ACER3: variants seen among roughly 807,000 people sequenced by gnomAD.
ACER3 encodes the protein alkCDase 3.
ACER3 carries 16 observed loss-of-function variants against 48.9 expected under a neutral mutation model. The observed-to-expected ratio is 0.33, with a 90% CI of 0.22 to 0.50. ACER3 has a LOEUF of 0.50. ACER3 is among the 20% of genes least tolerant of loss of function. ACER3 has a pLI of 0.98. For missense variants in ACER3, 227 were observed against 326.0 expected, an observed-to-expected ratio of 0.70 and a Z score of 2.34; for synonymous variants, 109 against 107.8, an observed-to-expected ratio of 1.01 and a Z score of -0.07.
intron 1 of ACER3, among the ~76,000 whole-genome samples, chr11:76,885,465 T>G (rs975365486): frequency 2.6e-5 from 4 of 152,094 alleles, no homozygotes; most frequent in Non-Finnish European, 5.9e-5. Flanking sequence ...AGGAAGAAGT[T>G]TTTATACTCA....
At chr11:76,983,795 G>T (rs1175595206) in intron 4 of ACER3, among the ~76,000 whole-genome samples, 4 of 134,638 alleles carry the variant, frequency 3.0e-5, no homozygotes, top group Non-Finnish European at 4.6e-5. Flanking sequence ...GACCTCTAAT[G>T]ATTTTTTTTT....
chr11:76,885,153 C>T (rs188867254), intron 1 of ACER3, among the ~76,000 whole-genome samples: 1 of 152,220 alleles, frequency 6.6e-6, no homozygotes, highest in Non-Finnish European at 1.5e-5. Flanking sequence ...TTACTTACAA[C>T]CTTTCTGCAT....
rs782588830 is a variant in ACER3, at chr11:77,015,009, C to A, written c.498-7C>A. On this transcript the variant is annotated splice_polypyrimidine_tract_variant and splice_region_variant and intron_variant, in intron 7 of 10. Coordinates refer to ENST00000532485, the MANE Select transcript of ACER3 (RefSeq NM_018367.7). Reference sequence around the variant, plus strand: ...TTTATTTTGCTTTTCTGTTTTCCCCCCCACAGGGTTTATCCATGGCTTAGA... The same window carrying A: ...TTTATTTTGCTTTTCTGTTTTCCCCACCACAGGGTTTATCCATGGCTTAGA... The A allele has an allele frequency of 8.5e-6, 13 of 1,531,358 alleles. No individual in the cohort carries two copies. The South Asian group carries it at 1.4e-4, about 16-fold the overall frequency. 94.9% of individuals were successfully genotyped at this position (1,531,358 alleles called of 1,614,324 possible). A position where few individuals can be genotyped will look rare whatever the true frequency, so the allele number is the denominator to read the frequency against.
intron 4 of ACER3, among the ~76,000 whole-genome samples, chr11:76,980,569 A>G (rs1468313877): frequency 2.6e-5 from 4 of 152,150 alleles, no homozygotes; most frequent in Non-Finnish European, 1.5e-5. Context: ...CCAGCTACAC[A>G]GGAGGCTAAG....
At position 77,025,240 on chromosome 11, in the gene ACER3, G is replaced by C. The variant is rs944114380; in HGVS notation, c.*4913G>C. On this transcript the variant is annotated 3_prime_UTR_variant, in exon 11 of 11. Coordinates refer to ENST00000532485, the MANE Select transcript of ACER3 (RefSeq NM_018367.7). ...GGTTCCCTATAAGCATTCATTCAGA[G>C]ATCATCTGTGCCTAAAAGAAAATGA... The C allele has an allele frequency of 3.3e-5, 5 of 151,858 alleles. No individual in the cohort carries two copies. Among genetic ancestry groups the C allele is most frequent in the Non-Finnish European group, 5.9e-5 (4 of 67,980 alleles). The allele number at this position is 151,858 out of a possible 1,614,324, so 9.4% of individuals were successfully genotyped here.
chr11:76,946,996 C>T (rs1012909836), intron 2 of ACER3, among the ~76,000 whole-genome samples: 2 of 152,216 alleles, frequency 1.3e-5, no homozygotes, highest in African/African-American at 4.8e-5. Flanking sequence ...CCCAGGCTTT[C>T]AGTCAGTCCC....
chr11:77,014,427 C>T (rs1949326625), intron 7 of ACER3, among the ~76,000 whole-genome samples: 2 of 152,202 alleles, frequency 1.3e-5, no homozygotes, highest in Admixed American at 1.3e-4. Flanking sequence ...TGACCACTAC[C>T]TTCCCAAATG....
chr11:76,901,651 CA>C (rs1946085680), intron 1 of ACER3, among the ~76,000 whole-genome samples: 2 of 152,148 alleles, frequency 1.3e-5, no homozygotes, highest in Non-Finnish European at 2.9e-5. Context: ...TTTAAGGGCT[CA>C]CAACTCTAAG....
intron 1 of ACER3, among the ~76,000 whole-genome samples, chr11:76,909,499 G>A (rs1946315954): frequency 6.6e-6 from 1 of 152,088 alleles, no homozygotes; most frequent in African/African-American, 2.4e-5. Context: ...CATTTATATG[G>A]CCAACAAACA....
intron 1 of ACER3, among the ~76,000 whole-genome samples, chr11:76,866,532 G>T (rs1249450351): frequency 6.6e-6 from 1 of 152,190 alleles, no homozygotes; most frequent in Non-Finnish European, 1.5e-5. Flanking sequence ...ACTATATTCA[G>T]CTACTCACAA....
intron 1 of ACER3, among the ~76,000 whole-genome samples, chr11:76,871,755 T>G (rs1252697496): frequency 6.6e-6 from 1 of 152,184 alleles, no homozygotes; most frequent in Non-Finnish European, 1.5e-5. Flanking sequence ...GGAAGGGAAT[T>G]CTCTATAGAA....
intron 1 of ACER3, chr11:76,868,199 C>G (rs1945144293): frequency 1.6e-6 from 2 of 1,289,770 alleles, no homozygotes; most frequent in Non-Finnish European, 1.0e-6. Context: ...TCTTGGGACT[C>G]TGGGCTGGCA....
chr11:76,906,421 C>T (rs1016682527), intron 1 of ACER3, among the ~76,000 whole-genome samples: 1 of 152,146 alleles, frequency 6.6e-6, no homozygotes, highest in Non-Finnish European at 1.5e-5. Context: ...CACCCCCTAA[C>T]CAGAGACAGA....
intron 1 of ACER3, among the ~76,000 whole-genome samples, chr11:76,876,422 G>A (rs1051601789): frequency 2.6e-5 from 4 of 152,146 alleles, no homozygotes; most frequent in Admixed American, 1.3e-4. Flanking sequence ...GGATTCCACT[G>A]TATGAATATA....
chr11:76,937,300 G>A (rs1947216645), intron 2 of ACER3, among the ~76,000 whole-genome samples: 1 of 152,204 alleles, frequency 6.6e-6, no homozygotes, highest in Non-Finnish European at 1.5e-5. Context: ...AGTTTTTGAA[G>A]CTGAATTTGG....
intron 1 of ACER3, among the ~76,000 whole-genome samples, chr11:76,883,386 G>A (rs1176959791): frequency 6.8e-6 from 1 of 146,600 alleles, no homozygotes; most frequent in Non-Finnish European, 1.5e-5. Flanking sequence ...TAAAATCTTT[G>A]TCAGTTTCAT....
intron 6 of ACER3, among the ~76,000 whole-genome samples, chr11:76,995,882 T>C (rs1948899493): frequency 1.3e-5 from 2 of 152,328 alleles, no homozygotes; most frequent in South Asian, 4.1e-4. Flanking sequence ...TTCATTCCCT[T>C]TGACTCCTAT....
chr11:76,925,223 T>C (rs1221924401), intron 1 of ACER3, among the ~76,000 whole-genome samples: 1 of 152,164 alleles, frequency 6.6e-6, no homozygotes, highest in Non-Finnish European at 1.5e-5. Flanking sequence ...TTTGGGCCAA[T>C]AGATTTATTT....
At chr11:76,981,473 T>C (rs1287352917) in intron 4 of ACER3, among the ~76,000 whole-genome samples, 1 of 152,226 alleles carries the variant, frequency 6.6e-6, no homozygotes, top group Non-Finnish European at 1.5e-5. Context: ...ATTACCCTTA[T>C]GGCAAGAAAG....
Sources: allele counts gnomAD v4.1 joint callset (sites outside exome capture counted in the v4.1 genomes callset), GRCh38; gene constraint gnomAD v4.1.1; transcripts MANE v1.5; gene names NCBI Gene and HGNC (gene_info 2026-07-23, HGNC 2026-07-21).